Variants in USP24 observed in about 807,000 individuals in gnomAD.
USP24 encodes ubiquitin specific peptidase 24.
A neutral mutation model predicts 361.6 loss-of-function variants in USP24; 97 were observed. The ratio of observed to expected loss-of-function variants is 0.27; its 90% CI spans 0.23 to 0.32. USP24 has a LOEUF of 0.32. Among genes scored for constraint, USP24 ranks in the 10% least tolerant of loss-of-function variants. USP24 has a pLI of 1.00. For synonymous variants in USP24, 1,098 were observed against 1,124.6 expected (o/e 0.98, Z 0.47); for missense variants, 2,353 against 3,165.6 (o/e 0.74, Z 6.16).
At chr1:55,107,015 C>A (rs896410634) in intron 40 of USP24, among the ~76,000 whole-genome samples, 3 of 152,102 alleles carry the variant, frequency 2.0e-5, no homozygotes, top group African/African-American at 4.8e-5. Context: ...GTTATGTGAT[C>A]CAGCTATTTT....
intron 1 of USP24, among the ~76,000 whole-genome samples, chr1:55,183,617 G>C (rs192646396): frequency 6.6e-6 from 1 of 152,150 alleles, no homozygotes; most frequent in Non-Finnish European, 1.5e-5. Flanking sequence ...AGATGTAAGA[G>C]ATAAGAAAAC....
rs375993189 is a variant in USP24 at position 55,072,819 on chromosome 1, G to A, written c.7569C>T (p.His2523=). The change falls in exon 65 of 68, where the codon CAC becomes CAT. Residue 2523 remains histidine (H), a synonymous_variant. Transcript: ENST00000294383. The stretch of plus-strand genomic sequence containing the variant: ...GTAGCCACTGCACAGCCCAGCTCCA[G>A]TGGTGGGAATTCTCCTTGAAGTACT... The part of the protein sequence containing the change: ...AKEYFKENSH[H]WSWAVQWLQK... 1.4e-4 allele frequency: 224 copies of A among 1,607,964 alleles called. 1 individual carries two copies. In the African/African-American group the frequency reaches 2.9e-3, roughly 21 times the overall value.
At position 55,213,035 on chromosome 1, in the gene USP24, G is replaced by A. The variant is rs556246446; in HGVS notation, c.324+1755C>T. Among the ~76,000 whole-genome samples, 3 of 152,188 alleles carry A rather than the reference G, an allele frequency of 2.0e-5. No individual in the cohort carries two copies. The South Asian group carries it at 6.2e-4, about 32-fold the overall frequency. ...ATTTAAATTGATTTTCCAATCACAG[G>A]AAATTAAAAGGTATGACAAAAGAAA... On this transcript the variant is annotated intron_variant, in intron 1 of 67. Transcript: ENST00000294383.
chr1:55,203,568 C>A (rs571340547), intron 1 of USP24, among the ~76,000 whole-genome samples: 1 of 152,342 alleles, frequency 6.6e-6, no homozygotes, highest in East Asian at 1.9e-4. Flanking sequence ...GTATATCTTG[C>A]TAAGTAGTCT....
chr1:55,131,773 G>A (rs1248442593), intron 31 of USP24, among the ~76,000 whole-genome samples: 1 of 152,172 alleles, frequency 6.6e-6, no homozygotes, highest in Non-Finnish European at 1.5e-5. Flanking sequence ...TAAGATACAT[G>A]ATATAATAAT....
intron 53 of USP24, 27 bp from the exon 54 acceptor site, chr1:55,092,153 T>G: frequency 4.0e-6 from 6 of 1,501,642 alleles, no homozygotes; most frequent in South Asian, 1.2e-5. Flanking sequence ...TGAAAGAGGA[T>G]ATTTTTCACA....
At chr1:55,090,387 G>A (rs953268838) in intron 54 of USP24, among the ~76,000 whole-genome samples, 2 of 152,302 alleles carry the variant, frequency 1.3e-5, no homozygotes, top group African/African-American at 4.8e-5. Context: ...GATAGGCATA[G>A]TGACTAATTA....
At position 55,066,732 on chromosome 1, in the gene USP24, C is replaced by CCAT. The variant is rs1644831202; in HGVS notation, c.*2310_*2312dup. The stretch of plus-strand genomic sequence containing the variant: ...GGATGCCTTCAACGGGCAGAATCGG[C>CCAT]CATCTTAAGATCGGCCTCACTAAGG... On this transcript the variant is annotated 3_prime_UTR_variant, in exon 68 of 68. Coordinates refer to ENST00000294383, the MANE Select transcript of USP24 (RefSeq NM_015306.3). 1 of 152,152 alleles carries CCAT rather than the reference C, an allele frequency of 6.6e-6. No homozygotes were observed. Among genetic ancestry groups the CCAT allele is most frequent in the Non-Finnish European group, 1.5e-5 (1 of 68,032 alleles). The allele number at this position is 152,152 out of a possible 1,614,324, so 9.4% of individuals were successfully genotyped here.
chr1:55,129,442 C>T (rs751707011), intron 32 of USP24, 35 bp downstream of exon 32: 13 of 1,563,248 alleles, frequency 8.3e-6, no homozygotes, highest in South Asian at 4.5e-5. Flanking sequence ...TATTCATTTT[C>T]GGCAACTCAT....
chr1:55,129,415 A>G, intron 32 of USP24, 62 bp downstream of exon 32: 2 of 1,408,998 alleles, frequency 1.4e-6, no homozygotes, highest in Non-Finnish European at 2.0e-6. Context: ...TGCAGGGGAA[A>G]TTAACTAAAA....
At chr1:55,209,120 G>A (rs1262786978) in intron 1 of USP24, among the ~76,000 whole-genome samples, 1 of 150,630 alleles carries the variant, frequency 6.6e-6, no homozygotes, top group African/African-American at 2.4e-5. Flanking sequence ...GAAAAAAAAG[G>A]GAGGAAAAAA....
chr1:55,069,375 G>A (rs564385563), intron 67 of USP24, among the ~76,000 whole-genome samples: 8 of 152,232 alleles, frequency 5.3e-5, no homozygotes, highest in Admixed American at 3.3e-4. Context: ...ATGTGAGAAC[G>A]CAGAGCAGTG....
intron 5 of USP24, among the ~76,000 whole-genome samples, chr1:55,167,768 G>A (rs1649036879): frequency 6.6e-6 from 1 of 152,124 alleles, no homozygotes; most frequent in African/African-American, 2.4e-5. Flanking sequence ...TTTATTCAAG[G>A]AATGAATCCT....
In USP24 at chr1:55,189,073, G is replaced by T. The variant is rs181117222; in HGVS notation, c.325-10941C>A. ...CACTGCTGATTGATTATAAAATGGG[G>T]CCACCGCTTTCCAAGACAGTTTGGC... On this transcript the variant is annotated intron_variant, in intron 1 of 67. Coordinates refer to ENST00000294383, the MANE Select transcript of USP24 (RefSeq NM_015306.3). Among the ~76,000 whole-genome samples the T allele has an allele frequency of 5.3e-5, 8 of 151,462 alleles. No homozygotes were observed. The East Asian group carries it at 1.6e-3, about 29-fold the overall frequency.
At chr1:55,129,714 G>A (rs551234494) in intron 31 of USP24, 140 bp from the exon 32 acceptor site, 2 of 600,652 alleles carry the variant, frequency 3.3e-6, no homozygotes, top group South Asian at 5.1e-5. Context: ...ATATGTAGAA[G>A]CTGATGTTTC....
At chr1:55,076,199 A>C (rs950110478) in intron 62 of USP24, among the ~76,000 whole-genome samples, 2 of 152,192 alleles carry the variant, frequency 1.3e-5, no homozygotes, top group African/African-American at 4.8e-5. Flanking sequence ...TGCTTAGTAA[A>C]AATGTATTGA....
chr1:55,075,207 T>G (rs1481862085), intron 63 of USP24, among the ~76,000 whole-genome samples: 1 of 152,022 alleles, frequency 6.6e-6, no homozygotes, highest in Non-Finnish European at 1.5e-5. Flanking sequence ...CCCCTGAATC[T>G]TGCCTTATCT....
intron 54 of USP24, 133 bp downstream of exon 54, chr1:55,091,890 T>C (rs1645385147): frequency 1.5e-6 from 1 of 648,154 alleles, no homozygotes; most frequent in Admixed American, 3.1e-5. Flanking sequence ...TTCTTAAAGC[T>C]AGAGACCATG....
intron 1 of USP24, among the ~76,000 whole-genome samples, chr1:55,182,654 T>C (rs1466545040): frequency 6.6e-6 from 1 of 152,176 alleles, no homozygotes; most frequent in Non-Finnish European, 1.5e-5. Flanking sequence ...CTCACTTCTT[T>C]GATATTCCCA....
Sources: gnomAD v4.1 joint callset for allele counts (sites outside exome capture counted in the v4.1 genomes callset) on GRCh38, gnomAD v4.1.1 for gene constraint, MANE v1.5 for transcripts, NCBI Gene and HGNC (gene_info 2026-07-23, HGNC 2026-07-21) for gene names.